SLC16A12: variants seen among roughly 807,000 people sequenced by gnomAD.
SLC16A12 encodes the protein solute carrier family 16 member 12.
Under a neutral mutation model 42.4 loss-of-function variants are expected in SLC16A12, and 17 were observed. That is an observed-to-expected ratio of 0.40 (90% CI 0.27 to 0.60). The LOEUF (loss-of-function observed/expected upper bound fraction) is 0.60. Among genes scored for constraint, SLC16A12 ranks in the 20% least tolerant of loss-of-function variants. SLC16A12 has a pLI of 0.42. For missense variants in SLC16A12, 544 were observed against 623.0 expected (o/e 0.87, Z 1.35); for synonymous variants, 224 against 229.4 (o/e 0.98, Z 0.21).
intron 2 of SLC16A12, among the ~76,000 whole-genome samples, chr10:89,471,968 G>A (rs1477002611): frequency 2.0e-5 from 3 of 151,898 alleles, no homozygotes. Context: ...ATTTTACTAG[G>A]TGGTCTGTTT....
At chr10:89,534,825 T>C (rs1444133981) in intron 1 of SLC16A12, among the ~76,000 whole-genome samples, 185 bp from the exon 2 acceptor site, 1 of 152,022 alleles carries the variant, frequency 6.6e-6, no homozygotes, top group African/African-American at 2.4e-5. Context: ...CGAGACCTTG[T>C]CTCTAAATAA....
intron 4 of SLC16A12, among the ~76,000 whole-genome samples, chr10:89,442,623 G>A (rs986876047): frequency 2.0e-5 from 3 of 152,086 alleles, no homozygotes; most frequent in Non-Finnish European, 4.4e-5. Context: ...TCTATAACTC[G>A]AATATATGAT....
intron 1 of SLC16A12, among the ~76,000 whole-genome samples, chr10:89,556,155 C>G (rs1843814719): frequency 6.6e-6 from 1 of 152,162 alleles, no homozygotes; most frequent in South Asian, 2.1e-4. Context: ...TCTACCCAGG[C>G]ACTGTGCTAA....
At chr10:89,447,990 T>G (rs893527573) in intron 3 of SLC16A12, among the ~76,000 whole-genome samples, 1 of 151,848 alleles carries the variant, frequency 6.6e-6, no homozygotes, top group Non-Finnish European at 1.5e-5. Context: ...AACACCTCTA[T>G]GCAAATAAAC....
chr10:89,531,428 T>C (rs1438235783), intron 2 of SLC16A12, among the ~76,000 whole-genome samples: 1 of 151,962 alleles, frequency 6.6e-6, no homozygotes, highest in Non-Finnish European at 1.5e-5. Context: ...AATAGCAAAG[T>C]ACAACTGGCA....
At chr10:89,553,831 TA>T (rs1843785744) in intron 2 of SLC16A12, among the ~76,000 whole-genome samples, 1 of 151,604 alleles carries the variant, frequency 6.6e-6, no homozygotes, top group Admixed American at 6.6e-5. Flanking sequence ...CTGTCTCTAC[TA>T]AAAATACAAA....
chr10:89,459,564 T>C (rs1020424640), intron 3 of SLC16A12, among the ~76,000 whole-genome samples: 5 of 132,078 alleles, frequency 3.8e-5, no homozygotes, highest in African/African-American at 1.3e-4. Context: ...CAAGAGTCAA[T>C]GGATTATGAA....
At chr10:89,550,748 C>T (rs1462036010) in intron 2 of SLC16A12, among the ~76,000 whole-genome samples, 1 of 151,880 alleles carries the variant, frequency 6.6e-6, no homozygotes, top group Non-Finnish European at 1.5e-5. Context: ...GCCAGGGATG[C>T]AGAAGGCTTT....
At chr10:89,534,063 T>C (rs182779466) in intron 2 of SLC16A12, among the ~76,000 whole-genome samples, 1 of 152,352 alleles carries the variant, frequency 6.6e-6, no homozygotes, top group East Asian at 1.9e-4. Flanking sequence ...GTGAAGAGTT[T>C]GAATTTAGTA....
chr10:89,499,826 CA>C (rs557888448), intron 2 of SLC16A12, among the ~76,000 whole-genome samples: 3 of 150,730 alleles, frequency 2.0e-5, no homozygotes, highest in Non-Finnish European at 3.0e-5. Context: ...GAAATTGAAA[CA>C]AAAAAAATAC....
At chr10:89,553,986 C>G (rs1460300519) in intron 2 of SLC16A12, among the ~76,000 whole-genome samples, 1 of 146,348 alleles carries the variant, frequency 6.8e-6, no homozygotes, top group Non-Finnish European at 1.5e-5. Context: ...CAGAGCGAGA[C>G]TCCATCTCAA....
intron 3 of SLC16A12, among the ~76,000 whole-genome samples, chr10:89,446,019 C>G (rs975846662): frequency 1.3e-5 from 2 of 151,720 alleles, no homozygotes; most frequent in African/African-American, 4.9e-5. Context: ...GATTGAAGAT[C>G]AAATTAATGA....
At chr10:89,543,233 T>C (rs570219332) in intron 2 of SLC16A12, among the ~76,000 whole-genome samples, 23 of 152,376 alleles carry the variant, frequency 1.5e-4, no homozygotes, top group East Asian at 1.9e-4. Context: ...GATAATCTTT[T>C]TGACTTTTTT....
Position 89,534,673 on chromosome 10 carries a change from C to CAA in SLC16A12, c.-186-34_-186-33insTT, listed in dbSNP as rs1196402951. 26 of 122,722 alleles carry CAA rather than the reference C, an allele frequency of 2.1e-4. 1 individual carries two copies. The highest frequency in any genetic ancestry group is 7.3e-4 in the African/African-American group (23 of 31,294). The allele number at this position is 122,722 out of a possible 1,614,324, so 7.6% of individuals were successfully genotyped here. A position where few individuals can be genotyped will look rare whatever the true frequency, so the allele number is the denominator to read the frequency against. On this transcript the variant is annotated intron_variant, in intron 1 of 7. Coordinates refer to ENST00000371790, the MANE Select transcript of SLC16A12 (RefSeq NM_213606.4). ...AAAAAAAAAAAAAAAAAAAAAAAAT[C>CAA]CAAAAATTAGCCGGGCGTGGTGGCG...
At chr10:89,452,203 G>A (rs1842105859) in intron 3 of SLC16A12, among the ~76,000 whole-genome samples, 1 of 152,148 alleles carries the variant, frequency 6.6e-6, no homozygotes, top group Admixed American at 6.5e-5. Flanking sequence ...ATAAGCTGAA[G>A]GTAGGAGAAT....
intron 2 of SLC16A12, among the ~76,000 whole-genome samples, chr10:89,502,591 A>G (rs1031335092): frequency 1.3e-5 from 2 of 152,244 alleles, no homozygotes; most frequent in African/African-American, 4.8e-5. Flanking sequence ...GCAGCATTTC[A>G]GAGCCATGCA....
At chr10:89,500,545 T>A (rs1842979247) in intron 2 of SLC16A12, among the ~76,000 whole-genome samples, 1 of 151,784 alleles carries the variant, frequency 6.6e-6, no homozygotes, top group Non-Finnish European at 1.5e-5. Flanking sequence ...AAAACAAAAA[T>A]CACATGGTCA....
intron 2 of SLC16A12, among the ~76,000 whole-genome samples, chr10:89,517,381 C>T (rs959863490): frequency 1.3e-5 from 2 of 152,092 alleles, no homozygotes; most frequent in Admixed American, 1.3e-4. Flanking sequence ...GTAGCACAAT[C>T]ATAGCTCACT....
At chr10:89,556,068 T>C (rs1225703248) in intron 1 of SLC16A12, 1 of 152,074 alleles carries the variant, frequency 6.6e-6, no homozygotes, top group Non-Finnish European at 1.5e-5. Context: ...AAAAATTTAG[T>C]GCTTTGAAAA....
Sources: gnomAD v4.1 joint callset for allele counts (sites outside exome capture counted in the v4.1 genomes callset) on GRCh38, gnomAD v4.1.1 for gene constraint, MANE v1.5 for transcripts, NCBI Gene and HGNC (gene_info 2026-07-23, HGNC 2026-07-21) for gene names.